The following ERMARD variants were observed in gnomAD, a reference collection of about 807,000 sequenced individuals.
ERMARD encodes the protein ER membrane associated RNA degradation.
In ERMARD, 71 loss-of-function variants were observed where a neutral mutation model predicts 83.9. The observed-to-expected ratio is 0.85, with a 90% CI of 0.70 to 1.03. The LOEUF is 1.03. Ranked by LOEUF, ERMARD falls within the 50% of genes least tolerant of loss-of-function variation. ERMARD has a pLI of 0.00. For missense variants in ERMARD, 838 were observed against 810.9 expected, an observed-to-expected ratio of 1.03 and a Z score of -0.41; for synonymous variants, 284 against 298.6, an observed-to-expected ratio of 0.95 and a Z score of 0.50.
At chr6:169,770,965 C>A (rs914066491) in intron 12 of ERMARD, 1 of 150,668 alleles carries the variant, frequency 6.6e-6, no homozygotes, top group Admixed American at 6.6e-5. Flanking sequence ...ATTTTTTTTT[C>A]TCTTTGGCTT....
chr6:169,760,974 T>C (rs1379876020), intron 8 of ERMARD, among the ~76,000 whole-genome samples: 2 of 152,146 alleles, frequency 1.3e-5, no homozygotes, highest in African/African-American at 4.8e-5. Context: ...GATAGAATTA[T>C]TTTTCAGGAT....
chr6:169,774,399 C>G (rs1316258423), intron 13 of ERMARD, among the ~76,000 whole-genome samples: 1 of 152,134 alleles, frequency 6.6e-6, no homozygotes, highest in Non-Finnish European at 1.5e-5. Flanking sequence ...GCCGTGCTTT[C>G]CAAGAGCAAG....
chr6:169,778,647 T>C (rs769456017), intron 16 of ERMARD, among the ~76,000 whole-genome samples: 1 of 152,198 alleles, frequency 6.6e-6, no homozygotes, highest in Admixed American at 6.5e-5. Context: ...TTACCAGCAG[T>C]TTATAAGACA....
chr6:169,768,619 G>A (rs894309585), intron 11 of ERMARD, among the ~76,000 whole-genome samples: 2 of 152,092 alleles, frequency 1.3e-5, no homozygotes, highest in Non-Finnish European at 2.9e-5. Context: ...AGCTGGGTGC[G>A]GTGGCGGGCA....
In ERMARD at chr6:169,768,763, C is replaced by T. The variant is rs141862600; in HGVS notation, c.1059+592C>T. ...CCTGGGCAACAGAGCAAGACTCCGT[C>T]TGAAAATAAAAGCAACAGTCAAATG... On this transcript the variant is annotated intron_variant, in intron 11 of 17. Transcript: ENST00000366773. Among the ~76,000 whole-genome samples the T allele has an allele frequency of 1.4e-3, 218 of 152,192 alleles. 1 individual carries two copies. The highest frequency in any genetic ancestry group is 2.6e-3 in the Non-Finnish European group (175 of 68,018).
Position 169,756,446 on chromosome 6 carries a change from G to C in ERMARD, c.417+7G>C. On this transcript the variant is annotated splice_region_variant and intron_variant, in intron 4 of 17. Transcript: ENST00000366773. ...AGAACGAGCCTTGGGTGATGTAAGT[G>C]TGAGAACTCTTTCATTATTGGCCCA... The C allele has an allele frequency of 6.4e-7, 1 of 1,573,802 alleles. No homozygotes were observed. The highest frequency in any genetic ancestry group is 8.7e-7 in the Non-Finnish European group (1 of 1,151,972).
In ERMARD at chr6:169,769,457, T is replaced by C. The variant is rs140036892; in HGVS notation, c.1060-83T>C. 10,832 of 1,335,946 alleles carry C rather than the reference T, an allele frequency of 8.1e-3. 53 individuals carry two copies. Among genetic ancestry groups the C allele is most frequent in the Non-Finnish European group, 9.5e-3 (9,461 of 998,532 alleles). The allele number at this position is 1,335,946 out of a possible 1,614,324, so 82.8% of individuals were successfully genotyped here. A position where few individuals can be genotyped will look rare whatever the true frequency, so the allele number is the denominator to read the frequency against. On this transcript the variant is annotated intron_variant, in intron 11 of 17. Transcript: ENST00000366773. ...GCTTCAGAGGACTTGATGGATGCACTCTTTCCTTCTATTCAGCAACACCAG... is the reference window on the plus strand; with the variant it reads ...GCTTCAGAGGACTTGATGGATGCACCCTTTCCTTCTATTCAGCAACACCAG...
chr6:169,756,159 A>G (rs753671733), intron 3 of ERMARD, among the ~76,000 whole-genome samples, 179 bp from the exon 4 acceptor site: 2 of 152,242 alleles, frequency 1.3e-5, no homozygotes, highest in Admixed American at 6.5e-5. Context: ...TTCTTTAGCT[A>G]TTAAAATATT....
chr6:169,773,282 C>A, intron 12 of ERMARD, 37 bp from the exon 13 acceptor site: 1 of 1,591,406 alleles, frequency 6.3e-7, no homozygotes, highest in Non-Finnish European at 8.6e-7. Context: ...AAAAGCCCAC[C>A]CAAACATGAT....
intron 2 of ERMARD, 84 bp from the exon 3 acceptor site, chr6:169,755,199 G>A (rs890482061): frequency 3.5e-5 from 51 of 1,473,576 alleles, no homozygotes; most frequent in African/African-American, 2.3e-4. Flanking sequence ...TATAATTAAA[G>A]CATTTTTTTC....
In ERMARD at chr6:169,762,211, G is replaced by T. The variant is rs183750658; in HGVS notation, c.858-218G>T. On this transcript the variant is annotated intron_variant, in intron 8 of 17. Coordinates refer to ENST00000366773, the MANE Select transcript of ERMARD (RefSeq NM_018341.3). ...AGCAATCCTCCCGCCTCAGCCTCCT[G>T]TGTAGCTAGGACTACAGGCAGTGCC... Among the ~76,000 whole-genome samples the T allele has an allele frequency of 6.2e-3, 942 of 152,230 alleles. 7 individuals carry two copies. Among genetic ancestry groups the T allele is most frequent in the Middle Eastern group, 6.8e-3 (2 of 294 alleles).
chr6:169,764,722 T>G (rs898865172), intron 9 of ERMARD, among the ~76,000 whole-genome samples: 2 of 152,210 alleles, frequency 1.3e-5, no homozygotes, highest in African/African-American at 4.8e-5. Flanking sequence ...TGCCCTCCTC[T>G]TTGGTGTGTT....
Position 169,769,576 on chromosome 6 carries a change from C to G in ERMARD, c.1096C>G (p.Pro366Ala). ...GGATTTCCTGAACCATCAGGAGGGT[C>G]CCCGCATAAGAGATCATTTAAGCCA... is the stretch of plus-strand genomic sequence containing the variant. ...LWDFLNHQEG[P>A]RIRDHLSHGE... The change falls in exon 12 of 18, where the codon CCC becomes GCC. Residue 366 changes from proline (P) to alanine (A), a missense_variant. Coordinates refer to ENST00000366773, the MANE Select transcript of ERMARD (RefSeq NM_018341.3). The G allele has an allele frequency of 6.2e-7, 1 of 1,605,516 alleles. No individual in the cohort carries two copies. The highest frequency in any genetic ancestry group is 8.5e-7 in the Non-Finnish European group (1 of 1,176,982).
intron 12 of ERMARD, chr6:169,772,911 A>C (rs1194546097): frequency 6.2e-6 from 1 of 160,768 alleles, no homozygotes; most frequent in African/African-American, 2.4e-5. Flanking sequence ...AGCTGCAAAT[A>C]ATGTAATTTT....
intron 9 of ERMARD, among the ~76,000 whole-genome samples, chr6:169,763,495 G>T (rs1006232923): frequency 6.6e-6 from 1 of 152,230 alleles, no homozygotes; most frequent in Non-Finnish European, 1.5e-5. Context: ...GGGCTTAGTC[G>T]CACTTGCTGC....
intron 10 of ERMARD, chr6:169,767,850 A>T (rs1792414881): frequency 3.8e-6 from 2 of 522,326 alleles, no homozygotes; most frequent in Non-Finnish European, 6.9e-6. Context: ...ACATATACAC[A>T]CCACACATAT....
intron 8 of ERMARD, among the ~76,000 whole-genome samples, chr6:169,761,550 T>TA (rs1563017254): frequency 6.6e-6 from 1 of 152,100 alleles, no homozygotes. Flanking sequence ...TGAAATGAGT[T>TA]AGACAGTCCT....
intron 9 of ERMARD, among the ~76,000 whole-genome samples, chr6:169,763,301 C>T (rs2128349134): frequency 6.6e-6 from 1 of 152,322 alleles, no homozygotes; most frequent in African/African-American, 2.4e-5. Context: ...ATCATCAGCA[C>T]TCAGACCCCT....
chr6:169,778,560 G>C (rs1793849866), intron 16 of ERMARD, among the ~76,000 whole-genome samples: 1 of 152,162 alleles, frequency 6.6e-6, no homozygotes, highest in Admixed American at 6.5e-5. Flanking sequence ...TTTTTGGGTT[G>C]AGTGGTATCT....
Sources: allele counts gnomAD v4.1 joint callset (sites outside exome capture counted in the v4.1 genomes callset), GRCh38; gene constraint gnomAD v4.1.1; transcripts MANE v1.5; gene names NCBI Gene and HGNC (gene_info 2026-07-23, HGNC 2026-07-21).